PDE4D: variants seen among roughly 807,000 people sequenced by gnomAD.
PDE4D encodes the protein phosphodiesterase 4D.
Under a neutral mutation model 87.4 loss-of-function variants are expected in PDE4D, and 24 were observed. The observed-to-expected ratio is 0.27, with a 90% CI of 0.20 to 0.39. PDE4D has a LOEUF of 0.39. PDE4D is among the 10% of genes least tolerant of loss of function. The pLI, the probability that PDE4D is intolerant of heterozygous loss-of-function variation, is 1.00. For missense variants in PDE4D, 714 were observed against 1,041.0 expected, an observed-to-expected ratio of 0.69 and a Z score of 4.32; for synonymous variants, 384 against 383.2, an observed-to-expected ratio of 1.00 and a Z score of -0.02.
At chr5:60,175,488 G>A (rs1431539585) in intron 2 of PDE4D, among the ~76,000 whole-genome samples, 1 of 152,044 alleles carries the variant, frequency 6.6e-6, no homozygotes. Flanking sequence ...ATATTTTGCT[G>A]AAAGCCGGAT....
chr5:59,039,312 T>A (rs1759180022), intron 5 of PDE4D: 1 of 1,042,768 alleles, frequency 9.6e-7, no homozygotes, highest in South Asian at 3.3e-5. Flanking sequence ...CGAGTCCCAG[T>A]CCAGGAGCCC....
intron 1 of PDE4D, among the ~76,000 whole-genome samples, chr5:60,461,415 T>C (rs1238237269): frequency 6.6e-6 from 1 of 152,232 alleles, no homozygotes; most frequent in Non-Finnish European, 1.5e-5. Flanking sequence ...AAGAGGAAAG[T>C]GCACCTAGCC....
rs78280607 is a variant in PDE4D at position 59,215,677 on chromosome 5, G to C, written c.647+100C>G. 4.4e-3 allele frequency: 4,284 copies of C among 970,860 alleles called. 69 individuals carry two copies. The African/African-American group carries it at 0.055, about 12-fold the overall frequency. The allele number at this position is 970,860 out of a possible 1,614,324, so 60.1% of individuals were successfully genotyped here. A position where few individuals can be genotyped will look rare whatever the true frequency, so the allele number is the denominator to read the frequency against. On this transcript the variant is annotated intron_variant, in intron 2 of 14. Transcript: ENST00000340635. Reference sequence around the variant, plus strand: ...TTCATATTCTTTCTACATTGGAGGAGAGTGATACAGTTGAACAAAAGTCAT... The same window carrying C: ...TTCATATTCTTTCTACATTGGAGGACAGTGATACAGTTGAACAAAAGTCAT...
At chr5:59,966,168 G>C (rs1315501811) in intron 3 of PDE4D, among the ~76,000 whole-genome samples, 2 of 152,136 alleles carry the variant, frequency 1.3e-5, no homozygotes, top group Non-Finnish European at 1.5e-5. Flanking sequence ...ATCGCCAACA[G>C]TAAAGATTAA....
chr5:60,379,995 G>T (rs1438821459), intron 1 of PDE4D, among the ~76,000 whole-genome samples: 1 of 152,184 alleles, frequency 6.6e-6, no homozygotes, highest in Non-Finnish European at 1.5e-5. Flanking sequence ...CTTCAAAAAA[G>T]AGCCCTCAAT....
intron 4 of PDE4D, among the ~76,000 whole-genome samples, chr5:59,183,576 G>A (rs537086802): frequency 6.6e-6 from 1 of 152,168 alleles, no homozygotes. Flanking sequence ...TAAAATTCGA[G>A]ACTAAAAAGT....
chr5:60,020,788 GA>G (rs1459775794), intron 2 of PDE4D, among the ~76,000 whole-genome samples: 6 of 151,950 alleles, frequency 3.9e-5, no homozygotes, highest in East Asian at 1.9e-4. Context: ...AAATTGTGAG[GA>G]AAAAAAATAA....
chr5:60,443,403 A>G (rs920503133), intron 1 of PDE4D, among the ~76,000 whole-genome samples: 3 of 152,186 alleles, frequency 2.0e-5, no homozygotes, highest in African/African-American at 7.2e-5. Context: ...AAACAAAGAA[A>G]GAGGTAAATG....
At chr5:60,004,740 C>G (rs1764315316) in intron 2 of PDE4D, among the ~76,000 whole-genome samples, 1 of 152,068 alleles carries the variant, frequency 6.6e-6, no homozygotes, top group African/African-American at 2.4e-5. Context: ...TCATTAATCA[C>G]CAGGGAAATG....
chr5:59,096,168 G>A (rs1345296937), intron 5 of PDE4D, among the ~76,000 whole-genome samples: 1 of 152,150 alleles, frequency 6.6e-6, no homozygotes, highest in Non-Finnish European at 1.5e-5. Context: ...ACTAAGTTGT[G>A]AATAAAGGAA....
chr5:59,916,794 T>C (rs1036983639), intron 3 of PDE4D, among the ~76,000 whole-genome samples: 2 of 151,856 alleles, frequency 1.3e-5, no homozygotes, highest in African/African-American at 4.8e-5. Context: ...GATTCCTTTT[T>C]TTTTTCTTTT....
At chr5:59,239,388 G>A (rs1046575196) in intron 1 of PDE4D, among the ~76,000 whole-genome samples, 2 of 152,088 alleles carry the variant, frequency 1.3e-5, no homozygotes, top group Non-Finnish European at 2.9e-5. Flanking sequence ...TGATATACAA[G>A]AACTCCCAAA....
At position 58,976,391 on chromosome 5, in the gene PDE4D, A is replaced by G; in HGVS notation, c.1789T>C (p.Ser597Pro). The G allele has an allele frequency of 1.9e-6, 3 of 1,609,638 alleles. No individual in the cohort carries two copies. The highest frequency in any genetic ancestry group is 2.5e-6 in the Non-Finnish European group (3 of 1,178,080). ...TAATTATCAAGAAGAAGAACTCCAGAGCTTGTCACTTTCTTAGTTTCAACC... is the reference window on the plus strand; with the variant it reads ...TAATTATCAAGAAGAAGAACTCCAGGGCTTGTCACTTTCTTAGTTTCAACC... The part of the protein sequence containing the change: ...TMVETKKVTS[S>P]GVLLLDNYSD... The change falls in exon 13 of 15, where the codon TCT becomes CCT. Residue 597 changes from serine (S) to proline (P), a missense_variant. Physicochemically the swap from Ser to Pro is moderately conservative, Grantham distance 74 (BLOSUM62 -1). Transcript: ENST00000340635.
intron 1 of PDE4D, among the ~76,000 whole-genome samples, chr5:59,806,756 AAG>A (rs1430313681): frequency 6.6e-6 from 1 of 152,198 alleles, no homozygotes; most frequent in East Asian, 1.9e-4. Context: ...GAAAATTGTT[AAG>A]AGAGTGGATT....
At chr5:59,717,016 AG>A (rs1162963673) in intron 1 of PDE4D, among the ~76,000 whole-genome samples, 1 of 152,216 alleles carries the variant, frequency 6.6e-6, no homozygotes, top group Non-Finnish European at 1.5e-5. Flanking sequence ...GCACAGAAAG[AG>A]GATGTGAGGA....
chr5:59,507,874 A>G (rs1174182877), intron 1 of PDE4D, among the ~76,000 whole-genome samples: 5 of 151,960 alleles, frequency 3.3e-5, no homozygotes, highest in Non-Finnish European at 7.4e-5. Flanking sequence ...TTAGCAATAT[A>G]CTGCCTATTA....
intron 1 of PDE4D, among the ~76,000 whole-genome samples, chr5:59,503,589 TA>T (rs1808704744): frequency 6.6e-6 from 1 of 152,160 alleles, no homozygotes; most frequent in South Asian, 2.1e-4. Flanking sequence ...CAAGTTCAAT[TA>T]AAGTTTTATT....
chr5:60,318,437 C>T (rs1200018949), intron 1 of PDE4D, among the ~76,000 whole-genome samples: 2 of 152,142 alleles, frequency 1.3e-5, no homozygotes, highest in African/African-American at 4.8e-5. Context: ...ACTCTTTATC[C>T]AGTTTGCCAG....
intron 6 of PDE4D, among the ~76,000 whole-genome samples, chr5:59,011,729 T>C (rs907140322): frequency 5.3e-5 from 8 of 152,214 alleles, no homozygotes; most frequent in East Asian, 3.8e-4. Context: ...GAAAACACTC[T>C]GCAGGATATT....
Sources: allele counts gnomAD v4.1 joint callset (sites outside exome capture counted in the v4.1 genomes callset), GRCh38; gene constraint gnomAD v4.1.1; transcripts MANE v1.5; gene names NCBI Gene and HGNC (gene_info 2026-07-23, HGNC 2026-07-21).